Variants in MCM10 observed in about 807,000 individuals in gnomAD.
MCM10 encodes the protein minichromosome maintenance 10 replication initiation factor.
In MCM10, 91 loss-of-function variants were observed where a neutral mutation model predicts 109.9. That is an observed-to-expected ratio of 0.83 (90% CI 0.70 to 0.99). MCM10 has a LOEUF of 0.99. MCM10 is among the 50% of genes least tolerant of loss of function. MCM10 has a pLI of 0.00. For synonymous variants in MCM10, 380 were observed against 387.2 expected, an observed-to-expected ratio of 0.98 and a Z score of 0.22; for missense variants, 1,077 against 1,061.2, an observed-to-expected ratio of 1.01 and a Z score of -0.21.
intron 1 of MCM10, among the ~76,000 whole-genome samples, chr10:13,161,891 TATTC>T (rs57090063): frequency 0.27 from 41,454 of 151,732 alleles, 5,784 homozygotes; most frequent in Admixed American, 0.37. Flanking sequence ...GGCTTTCTTT[TATTC>T]ATTCATTCAT....
intron 1 of MCM10, among the ~76,000 whole-genome samples, chr10:13,162,915 TA>T (rs1360659164): frequency 3.5e-4 from 53 of 152,114 alleles, no homozygotes; most frequent in African/African-American, 1.2e-3. Context: ...CCATCTCTAC[TA>T]AAAATACAAA....
intron 1 of MCM10, among the ~76,000 whole-genome samples, chr10:13,163,897 C>T (rs144602841): frequency 6.6e-6 from 1 of 152,228 alleles, no homozygotes; most frequent in East Asian, 1.9e-4. Context: ...ACAAACTGCT[C>T]TGCAGCTCAA....
At chr10:13,174,729 A>C (rs1390125444) in intron 5 of MCM10, among the ~76,000 whole-genome samples, 1 of 152,216 alleles carries the variant, frequency 6.6e-6, no homozygotes, top group Non-Finnish European at 1.5e-5. Flanking sequence ...AATGTACAAC[A>C]TTATTATCAT....
chr10:13,168,834 A>G (rs1319978922), intron 2 of MCM10, among the ~76,000 whole-genome samples: 1 of 152,230 alleles, frequency 6.6e-6, no homozygotes, highest in African/African-American at 2.4e-5. Context: ...AGTGATACAG[A>G]TGATAGCAAT....
Position 13,195,198 on chromosome 10 carries a change from G to A in MCM10, c.1903G>A (p.Asp635Asn). The A allele has an allele frequency of 1.2e-6, 2 of 1,613,696 alleles. No individual in the cohort carries two copies. The highest frequency in any genetic ancestry group is 1.7e-6 in the Non-Finnish European group (2 of 1,179,866). The change falls in exon 14 of 20, where the codon GAT becomes AAT. Residue 635 changes from aspartate to asparagine, a missense_variant. Coordinates refer to ENST00000378714, the MANE Select transcript of MCM10 (RefSeq NM_018518.5). Reference sequence around the variant, plus strand: ...GCTGGGGCGAGGTGTCTTGGAAGGAGATGATGTTCTCTTTTATGATGAGTC... The same window carrying A: ...GCTGGGGCGAGGTGTCTTGGAAGGAAATGATGTTCTCTTTTATGATGAGTC... ...PKLGRGVLEG[D>N]DVLFYDESPP... is the part of the protein sequence containing the mutation.
intron 14 of MCM10, 117 bp from the exon 15 acceptor site, chr10:13,197,506 A>C (rs1286772136): frequency 2.3e-6 from 2 of 861,392 alleles, no homozygotes; most frequent in South Asian, 3.6e-5. Context: ...ATGTTCTGCC[A>C]ATTTCTGTCA....
intron 16 of MCM10, among the ~76,000 whole-genome samples, chr10:13,199,175 C>T (rs1046338486): frequency 3.9e-5 from 6 of 152,186 alleles, no homozygotes; most frequent in East Asian, 1.9e-4. Context: ...GGATTACAGG[C>T]GTGAGCCACC....
Position 13,197,646 on chromosome 10 carries a change from G to C in MCM10, c.1998G>C (p.Arg666Ser). The change falls in exon 15 of 20, where the codon AGG (arginine) becomes AGC (serine). Residue 666 changes from arginine (R) to serine (S), a missense_variant. Arg to Ser is a moderately radical substitution (Grantham distance 110). Transcript: ENST00000378714. Reference sequence around the variant, plus strand: ...AGTTAGCTGCTATCACCAAATTAAGGGCAAAAGGCCAGGTTCTTACAAAAA... The same window carrying C: ...AGTTAGCTGCTATCACCAAATTAAGCGCAAAAGGCCAGGTTCTTACAAAAA... ...AKKLAAITKLRAKGQVLTKTN... is the reference protein window; with the variant it reads ...AKKLAAITKLSAKGQVLTKTN... 1 of 1,613,260 alleles carries C rather than the reference G, an allele frequency of 6.2e-7. No homozygotes were observed. The highest frequency in any genetic ancestry group is 8.5e-7 in the Non-Finnish European group (1 of 1,179,774).
At chr10:13,163,133 G>C (rs1311808187) in intron 1 of MCM10, among the ~76,000 whole-genome samples, 3 of 150,988 alleles carry the variant, frequency 2.0e-5, no homozygotes. Flanking sequence ...GACATCAGGA[G>C]TTCAAGACCA....
At position 13,169,240 on chromosome 10, in the gene MCM10, A is replaced by G. The variant is rs531698625; in HGVS notation, c.8-1682A>G. ...AGACATTGCGTCCTCAAGCTCGTCT[A>G]TGAAACCCCATGCATTTTGCCATGG... On this transcript the variant is annotated intron_variant, in intron 2 of 19. Coordinates refer to ENST00000378714, the MANE Select transcript of MCM10 (RefSeq NM_018518.5). Among the ~76,000 whole-genome samples the G allele has an allele frequency of 2.4e-3, 360 of 152,266 alleles. 1 individual carries two copies. The highest frequency in any genetic ancestry group is 4.0e-3 in the Non-Finnish European group (272 of 67,962).
At chr10:13,208,090 T>G (rs11258250) in intron 18 of MCM10, among the ~76,000 whole-genome samples, 105,859 of 152,146 alleles carry the variant, frequency 0.7, 37,475 homozygotes, top group Non-Finnish European at 0.77. Flanking sequence ...TTTTAAAAAC[T>G]AGAGCAAGAA....
chr10:13,171,830 T>A (rs998331459), intron 3 of MCM10, among the ~76,000 whole-genome samples: 10 of 151,996 alleles, frequency 6.6e-5, no homozygotes, highest in Admixed American at 2.6e-4. Flanking sequence ...AGTGGTGCAA[T>A]CTTGGCTCAC....
intron 16 of MCM10, among the ~76,000 whole-genome samples, chr10:13,200,154 T>C (rs1460742693): frequency 6.6e-6 from 1 of 152,112 alleles, no homozygotes; most frequent in Non-Finnish European, 1.5e-5. Context: ...AGACAGGGTT[T>C]ATCTAGTTTT....
intron 5 of MCM10, among the ~76,000 whole-genome samples, chr10:13,173,516 C>G (rs774360729): frequency 5.4e-4 from 82 of 152,306 alleles, no homozygotes; most frequent in Middle Eastern, 3.4e-3. Flanking sequence ...AAAAGGCTTT[C>G]TGCCCTATGT....
At chr10:13,196,322 G>A (rs1834420698) in intron 14 of MCM10, among the ~76,000 whole-genome samples, 1 of 152,118 alleles carries the variant, frequency 6.6e-6, no homozygotes, top group Non-Finnish European at 1.5e-5. Context: ...CACTTCCTGA[G>A]TGCCCCAATC....
intron 7 of MCM10, among the ~76,000 whole-genome samples, chr10:13,181,169 C>T (rs185932160): frequency 3.3e-5 from 5 of 152,268 alleles, no homozygotes; most frequent in East Asian, 1.9e-4. Context: ...CTTTAACTAG[C>T]GATGTTACCT....
At chr10:13,203,031 G>T (rs1421752539) in intron 17 of MCM10, among the ~76,000 whole-genome samples, 1 of 152,058 alleles carries the variant, frequency 6.6e-6, no homozygotes, top group African/African-American at 2.4e-5. Flanking sequence ...TTTTAATAGA[G>T]ATGGGGTTTC....
chr10:13,176,460 A>G (rs1351371265), intron 6 of MCM10, among the ~76,000 whole-genome samples: 1 of 152,208 alleles, frequency 6.6e-6, no homozygotes, highest in Non-Finnish European at 1.5e-5. Context: ...TGCTTTTAGC[A>G]CAGTCCATTT....
chr10:13,185,915 C>T (rs1004678128), intron 8 of MCM10, among the ~76,000 whole-genome samples: 12 of 152,152 alleles, frequency 7.9e-5, no homozygotes, highest in African/African-American at 2.9e-4. Flanking sequence ...CACGCACTAC[C>T]ATGCCTGGCT....
Sources: gnomAD v4.1 joint callset for allele counts (sites outside exome capture counted in the v4.1 genomes callset) on GRCh38, gnomAD v4.1.1 for gene constraint, MANE v1.5 for transcripts, NCBI Gene and HGNC (gene_info 2026-07-23, HGNC 2026-07-21) for gene names.